The following LMO7 variants were observed in gnomAD, a reference collection of about 807,000 sequenced individuals.
LMO7 encodes the protein LIM domain 7.
A neutral mutation model predicts 206.5 loss-of-function variants in LMO7; 120 were observed. The observed-to-expected ratio is 0.58, with a 90% CI of 0.50 to 0.68. The LOEUF is 0.68. LMO7 is among the 30% of genes least tolerant of loss of function. The pLI, the probability that LMO7 is intolerant of heterozygous loss-of-function variation, is 0.00. For synonymous variants in LMO7, 706 were observed against 681.5 expected, an observed-to-expected ratio of 1.04 and a Z score of -0.56; for missense variants, 1,959 against 1,957.9, an observed-to-expected ratio of 1.00 and a Z score of -0.01.
intron 4 of LMO7, among the ~76,000 whole-genome samples, chr13:75,762,712 G>A (rs559766311): frequency 6.6e-6 from 1 of 152,268 alleles, no homozygotes; most frequent in South Asian, 2.1e-4. Flanking sequence ...AGAACAACTT[G>A]TTTCAGTGGA....
intron 1 of LMO7, among the ~76,000 whole-genome samples, chr13:75,706,818 G>A (rs1239554278): frequency 2.0e-5 from 3 of 152,088 alleles, no homozygotes; most frequent in Non-Finnish European, 4.4e-5. Context: ...ATACTTTAGA[G>A]TCTAATGTAG....
chr13:75,788,283 C>A (rs1298756889), intron 4 of LMO7, among the ~76,000 whole-genome samples: 11 of 151,840 alleles, frequency 7.2e-5, no homozygotes, highest in Non-Finnish European at 1.5e-4. Context: ...CATGGTGAAA[C>A]CCCATCTCTA....
chr13:75,697,742 T>C (rs1850711847), intron 1 of LMO7, among the ~76,000 whole-genome samples: 1 of 152,250 alleles, frequency 6.6e-6, no homozygotes, highest in South Asian at 2.1e-4. Context: ...TTTATAACCT[T>C]TAATCAAATG....
chr13:75,735,900 G>T (rs2045780848), intron 3 of LMO7, among the ~76,000 whole-genome samples: 1 of 151,528 alleles, frequency 6.6e-6, no homozygotes, highest in Non-Finnish European at 1.5e-5. Flanking sequence ...TTTTCAAATG[G>T]CTTGAATTAA....
At chr13:75,688,539 A>G (rs2041203408) in intron 1 of LMO7, 1 of 152,394 alleles carries the variant, frequency 6.6e-6, no homozygotes, top group African/African-American at 2.4e-5. Flanking sequence ...GTATTGAAGA[A>G]GGCTGGCCAA....
intron 1 of LMO7, among the ~76,000 whole-genome samples, chr13:75,683,381 T>G (rs1202024363): frequency 6.6e-6 from 1 of 152,228 alleles, no homozygotes; most frequent in Non-Finnish European, 1.5e-5. Context: ...AGATACTTTT[T>G]GATTTATATT....
chr13:75,715,106 G>T (rs960228144), intron 2 of LMO7, among the ~76,000 whole-genome samples: 6 of 152,188 alleles, frequency 3.9e-5, no homozygotes, highest in African/African-American at 1.4e-4. Context: ...TCCCACTTTT[G>T]GGGCATTGAC....
chr13:75,846,043 A>G (rs540393680), intron 26 of LMO7, among the ~76,000 whole-genome samples: 1 of 152,204 alleles, frequency 6.6e-6, no homozygotes, highest in South Asian at 2.1e-4. Context: ...GCTCCAGCCT[A>G]TCATTGCCAT....
intron 1 of LMO7, among the ~76,000 whole-genome samples, chr13:75,638,463 T>C (rs1440703021): frequency 6.6e-6 from 1 of 152,208 alleles, no homozygotes; most frequent in Non-Finnish European, 1.5e-5. Flanking sequence ...AAGGTGTTTA[T>C]CAGCAATGAT....
intron 1 of LMO7, among the ~76,000 whole-genome samples, chr13:75,696,216 A>C (rs957021811): frequency 2.6e-5 from 4 of 152,126 alleles, no homozygotes; most frequent in African/African-American, 7.2e-5. Context: ...TGAGCCGGGC[A>C]TGGTGGTGTG....
chr13:75,684,811 A>T (rs188908310), intron 1 of LMO7, among the ~76,000 whole-genome samples: 1 of 146,626 alleles, frequency 6.8e-6, no homozygotes. Context: ...GTGTGTGTAT[A>T]TGTATATACA....
chr13:75,840,517 G>C, intron 22 of LMO7, 22 bp downstream of exon 22: 1 of 1,610,912 alleles, frequency 6.2e-7, no homozygotes, highest in Non-Finnish European at 8.5e-7. Context: ...TCACGTGGAC[G>C]GGTAGAAACT....
intron 1 of LMO7, among the ~76,000 whole-genome samples, chr13:75,709,294 A>G (rs201756057): frequency 5.9e-5 from 9 of 152,278 alleles, no homozygotes; most frequent in East Asian, 5.8e-4. Context: ...ATGATTTATA[A>G]TCCTTTGGGT....
At chr13:75,731,228 G>T (rs1398101071) in intron 3 of LMO7, among the ~76,000 whole-genome samples, 1 of 152,138 alleles carries the variant, frequency 6.6e-6, no homozygotes, top group South Asian at 2.1e-4. Context: ...TGACAGTGGG[G>T]TGTTAAAGTC....
chr13:75,802,368 A>G (rs1166315851), intron 7 of LMO7, among the ~76,000 whole-genome samples: 1 of 152,216 alleles, frequency 6.6e-6, no homozygotes, highest in African/African-American at 2.4e-5. Flanking sequence ...GAATCTGAGT[A>G]TGTGATTCAT....
chr13:75,626,393 C>T (rs1199909363), intron 2 of LMO7, among the ~76,000 whole-genome samples: 1 of 151,050 alleles, frequency 6.6e-6, no homozygotes, highest in Non-Finnish European at 1.5e-5. Flanking sequence ...CTGATAAACC[C>T]ATCAGATCTC....
intron 20 of LMO7, among the ~76,000 whole-genome samples, chr13:75,839,271 G>A (rs1595446007): frequency 6.6e-6 from 1 of 151,994 alleles, no homozygotes. Context: ...TTCCTTCTCT[G>A]TTCTAATTTT....
chr13:75,762,345 GTTTTA>G (rs1471102780), intron 4 of LMO7, among the ~76,000 whole-genome samples: 3 of 152,084 alleles, frequency 2.0e-5, no homozygotes, highest in African/African-American at 7.2e-5. Flanking sequence ...GGGTGTATTT[GTTTTA>G]TTTTTCCTTA....
intron 1 of LMO7, among the ~76,000 whole-genome samples, chr13:75,682,352 A>G (rs1687021034): frequency 6.6e-6 from 1 of 152,206 alleles, no homozygotes; most frequent in Admixed American, 6.5e-5. Context: ...GTAAATAGCC[A>G]AAGATTCCCA....
Sources: gnomAD v4.1 joint callset for allele counts (sites outside exome capture counted in the v4.1 genomes callset) on GRCh38, gnomAD v4.1.1 for gene constraint, MANE v1.5 for transcripts, NCBI Gene and HGNC (gene_info 2026-07-23, HGNC 2026-07-21) for gene names.